Variants in LINGO2 observed in about 807,000 individuals in gnomAD.
The protein encoded by LINGO2 is leucine rich repeat and Ig domain containing 2.
A neutral mutation model predicts 30.6 loss-of-function variants in LINGO2; 14 were observed. That is an observed-to-expected ratio of 0.46 (90% confidence interval 0.30 to 0.72). The LOEUF is 0.72. Among genes scored for constraint, LINGO2 ranks in the 30% least tolerant of loss-of-function variants. The pLI is 0.07. For synonymous variants in LINGO2, 317 were observed against 288.5 expected (o/e 1.10, Z -1.00); for missense variants, 729 against 751.7 (o/e 0.97, Z 0.35).
chr9:28,098,621 A>T (rs999735853), intron 4 of LINGO2, among the ~76,000 whole-genome samples: 10 of 152,010 alleles, frequency 6.6e-5, no homozygotes, highest in African/African-American at 2.4e-4. Context: ...TGATATTTTT[A>T]TGTGTGGATA....
the LINGO2 span, among the ~76,000 whole-genome samples, chr9:28,675,954 T>C: frequency 6.8e-6 from 1 of 147,402 alleles, no homozygotes; most frequent in Non-Finnish European, 1.5e-5. Context: ...CACACACAGA[T>C]ATATATGTAT....
At chr9:28,240,365 T>G (rs1269579581) in intron 4 of LINGO2, among the ~76,000 whole-genome samples, 1 of 152,068 alleles carries the variant, frequency 6.6e-6, no homozygotes, top group Non-Finnish European at 1.5e-5. Context: ...TCACATTACC[T>G]GACTTCAAAT....
At chr9:28,724,007 G>A in the LINGO2 span, among the ~76,000 whole-genome samples, 2 of 151,756 alleles carry the variant, frequency 1.3e-5, no homozygotes, top group African/African-American at 4.8e-5. Context: ...TGTTTATTAT[G>A]GGCATATATG....
chr9:28,135,058 A>G (rs993554131), intron 4 of LINGO2, among the ~76,000 whole-genome samples: 1 of 152,222 alleles, frequency 6.6e-6, no homozygotes, highest in Admixed American at 6.5e-5. Flanking sequence ...TTCTACATTC[A>G]ACCACGAGTA....
intron 4 of LINGO2, among the ~76,000 whole-genome samples, chr9:28,066,582 A>G (rs567960658): frequency 1.3e-5 from 2 of 152,096 alleles, no homozygotes; most frequent in African/African-American, 4.8e-5. Context: ...ATTAGGCTCA[A>G]GAGTCCTGGG....
chr9:28,362,202 A>G (rs549913054), intron 3 of LINGO2, among the ~76,000 whole-genome samples: 1 of 128,814 alleles, frequency 7.8e-6, no homozygotes, highest in Non-Finnish European at 1.7e-5. Context: ...TAATGGTGTA[A>G]ATTGTGTGTG....
At chr9:28,646,097 G>T (rs1013665747) in intron 1 of LINGO2, among the ~76,000 whole-genome samples, 1 of 152,030 alleles carries the variant, frequency 6.6e-6, no homozygotes, top group Non-Finnish European at 1.5e-5. Flanking sequence ...GACTCAAAGT[G>T]GGTATTTCAT....
the LINGO2 span, among the ~76,000 whole-genome samples, chr9:28,782,569 T>G: frequency 1.3e-5 from 2 of 152,240 alleles, no homozygotes; most frequent in Non-Finnish European, 2.9e-5. Context: ...TGTATCACAA[T>G]TTGTACTGAG....
At chr9:28,026,580 T>G (rs1344475118) in intron 4 of LINGO2, among the ~76,000 whole-genome samples, 1 of 152,224 alleles carries the variant, frequency 6.6e-6, no homozygotes, top group African/African-American at 2.4e-5. Flanking sequence ...GACCCCAAGT[T>G]ATAAAGCTTG....
In LINGO2 at chr9:28,555,968, A is replaced by G. The variant is rs1181734316; in HGVS notation, c.-364-79943T>C. On this transcript the variant is annotated intron_variant, in intron 1 of 5. Transcript: ENST00000379992. ...CAGCCCTTCATGCTAAAAACTCTCA[A>G]TAAATTAGGTATTGATGGGACATAT... Among the ~76,000 whole-genome samples the G allele has an allele frequency of 2.6e-5, 4 of 152,232 alleles. No individual in the cohort carries two copies. The East Asian group carries it at 7.7e-4, about 29-fold the overall frequency.
At chr9:28,242,222 C>G (rs1490500627) in intron 4 of LINGO2, among the ~76,000 whole-genome samples, 1 of 152,038 alleles carries the variant, frequency 6.6e-6, no homozygotes, top group African/African-American at 2.4e-5. Context: ...AGCTGAGAAC[C>G]TTGACAAAAT....
At chr9:28,699,335 G>A in the LINGO2 span, among the ~76,000 whole-genome samples, 1 of 151,958 alleles carries the variant, frequency 6.6e-6, no homozygotes, top group Non-Finnish European at 1.5e-5. Flanking sequence ...TGCGGCAGAG[G>A]AACATAAATT....
At chr9:28,768,019 T>C in the LINGO2 span, among the ~76,000 whole-genome samples, 1 of 152,170 alleles carries the variant, frequency 6.6e-6, no homozygotes, top group African/African-American at 2.4e-5. Flanking sequence ...CAGACCTATT[T>C]AATAATTGGA....
chr9:28,084,663 G>A (rs926489476), intron 4 of LINGO2, among the ~76,000 whole-genome samples: 6 of 151,982 alleles, frequency 3.9e-5, no homozygotes, highest in South Asian at 2.1e-4. Flanking sequence ...ATCCAAACCC[G>A]CTGACTCCAG....
Position 27,975,398 on chromosome 9 carries a change from G to C in LINGO2, c.-35-24692C>G, listed in dbSNP as rs554060918. Among the ~76,000 whole-genome samples, 8 of 152,020 alleles carry C rather than the reference G, an allele frequency of 5.3e-5. No individual in the cohort carries two copies. In the South Asian group the frequency reaches 1.5e-3, roughly 28 times the overall value. ...GGCTTTCCAAAGGGTGGGGTAAATG[G>C]GGGGGCTGGGGTTGAGGAAGTCCTG... On this transcript the variant is annotated intron_variant, in intron 5 of 5. Transcript: ENST00000379992.
chr9:29,179,542 C>T, the LINGO2 span, among the ~76,000 whole-genome samples: 1 of 151,876 alleles, frequency 6.6e-6, no homozygotes, highest in African/African-American at 2.4e-5. Context: ...GGAGCTGAGA[C>T]TACACATGTG....
intron 4 of LINGO2, among the ~76,000 whole-genome samples, chr9:28,209,401 C>G (rs1345656058): frequency 6.6e-6 from 1 of 151,804 alleles, no homozygotes; most frequent in Non-Finnish European, 1.5e-5. Context: ...TTTAATTTCC[C>G]TTGGGAATTT....
the LINGO2 span, among the ~76,000 whole-genome samples, chr9:28,731,885 A>C: frequency 6.6e-6 from 1 of 152,170 alleles, no homozygotes; most frequent in Non-Finnish European, 1.5e-5. Context: ...TATTTCTTAT[A>C]ATTGTATATG....
chr9:27,956,626 G>A (rs2118477612), intron 5 of LINGO2, among the ~76,000 whole-genome samples: 1 of 152,096 alleles, frequency 6.6e-6, no homozygotes, highest in African/African-American at 2.4e-5. Flanking sequence ...ATATGCCAAT[G>A]TCTTGAAGAT....
Sources: allele counts gnomAD v4.1 joint callset (sites outside exome capture counted in the v4.1 genomes callset), GRCh38; gene constraint gnomAD v4.1.1; transcripts MANE v1.5; gene names NCBI Gene and HGNC (gene_info 2026-07-23, HGNC 2026-07-21).